Variants in ZMYM4 observed in about 807,000 individuals in gnomAD.
The protein encoded by ZMYM4 is zinc finger MYM-type containing 4.
In ZMYM4, 31 loss-of-function variants were observed where a neutral mutation model predicts 183.2. The ratio of observed to expected loss-of-function variants is 0.17; its 90% CI spans 0.13 to 0.23. ZMYM4 has a LOEUF of 0.23. Ranked by LOEUF, ZMYM4 falls within the 10% of genes least tolerant of loss-of-function variation. The pLI, the probability that ZMYM4 is intolerant of heterozygous loss-of-function variation, is 1.00. For missense variants in ZMYM4, 1,273 were observed against 1,840.3 expected (o/e 0.69, Z 5.64); for synonymous variants, 592 against 631.2 (o/e 0.94, Z 0.93).
At chr1:35,313,375 T>C (rs1641888798) in intron 1 of ZMYM4, among the ~76,000 whole-genome samples, 1 of 84,356 alleles carries the variant, frequency 1.2e-5, no homozygotes, top group African/African-American at 3.1e-5. Context: ...TCTGTCACTT[T>C]TTCTTTTTCT....
intron 11 of ZMYM4, 111 bp from the exon 12 acceptor site, chr1:35,386,892 T>TA (rs1644590294): frequency 8.2e-7 from 1 of 1,221,716 alleles, no homozygotes; most frequent in Non-Finnish European, 1.1e-6. Flanking sequence ...CATTGCCTGT[T>TA]AACAGATGTA....
intron 22 of ZMYM4, 36 bp downstream of exon 22, chr1:35,399,079 T>C: frequency 6.2e-7 from 1 of 1,602,430 alleles, no homozygotes. Context: ...GAAAGCTTTT[T>C]ATTTTAAAAG....
At chr1:35,281,423 C>G (rs1027998223) in intron 1 of ZMYM4, among the ~76,000 whole-genome samples, 1 of 151,914 alleles carries the variant, frequency 6.6e-6, no homozygotes, top group Admixed American at 6.6e-5. Context: ...CTCATAGAAG[C>G]AGAGAGTAGA....
intron 1 of ZMYM4, among the ~76,000 whole-genome samples, chr1:35,284,912 T>G (rs1640395686): frequency 6.6e-6 from 1 of 152,038 alleles, no homozygotes. Context: ...CCTCTCCAAG[T>G]ATTATTACAT....
Position 35,397,514 on chromosome 1 carries a change from A to T in ZMYM4, c.3168A>T (p.Glu1056Asp). The T allele has an allele frequency of 1.9e-6, 3 of 1,613,056 alleles. No individual in the cohort carries two copies. The highest frequency in any genetic ancestry group is 1.7e-6 in the Non-Finnish European group (2 of 1,179,514). ...DLLEMAEMIA[E>D]DEEKKTLSQG... is the part of the protein sequence containing the mutation. Reference sequence around the variant, plus strand: ...TTGAGATGGCAGAAATGATTGCAGAAGATGAAGAGAAGAAGACTCTATCTC... The same window carrying T: ...TTGAGATGGCAGAAATGATTGCAGATGATGAAGAGAAGAAGACTCTATCTC... Residue 1056 changes from glutamate to aspartate, a missense_variant, in exon 20 of 30, where the codon GAA becomes GAT. This residue lies in a region of ZMYM4 where 290 missense variants were observed against 353.3 expected (regional missense o/e 0.82). Coordinates refer to ENST00000314607, the MANE Select transcript of ZMYM4 (RefSeq NM_005095.3).
chr1:35,355,829 T>C (rs1198966438), intron 2 of ZMYM4, among the ~76,000 whole-genome samples: 1 of 152,246 alleles, frequency 6.6e-6, no homozygotes, highest in African/African-American at 2.4e-5. Flanking sequence ...TATTTCTTTA[T>C]GCCTAAAACT....
chr1:35,288,078 T>G (rs1640592617), intron 1 of ZMYM4, among the ~76,000 whole-genome samples: 1 of 152,200 alleles, frequency 6.6e-6, no homozygotes, highest in African/African-American at 2.4e-5. Context: ...GTTTCTTCCC[T>G]TTCCCTTACT....
chr1:35,325,005 G>A (rs1642445534), intron 1 of ZMYM4, among the ~76,000 whole-genome samples: 1 of 152,006 alleles, frequency 6.6e-6, no homozygotes, highest in Non-Finnish European at 1.5e-5. Context: ...TTGATGGGAA[G>A]TTTTACATAG....
chr1:35,402,431 T>G (rs535994614), intron 23 of ZMYM4, among the ~76,000 whole-genome samples: 1 of 152,030 alleles, frequency 6.6e-6, no homozygotes, highest in Non-Finnish European at 1.5e-5. Flanking sequence ...GCCTGGGCAA[T>G]GTAGTGAGAC....
chr1:35,405,860 G>A (rs1644994152), intron 25 of ZMYM4, among the ~76,000 whole-genome samples: 1 of 151,328 alleles, frequency 6.6e-6, no homozygotes, highest in African/African-American at 2.4e-5. Context: ...GACAATGTTT[G>A]TGGGTTTCAC....
chr1:35,370,550 G>C lies in ZMYM4; in HGVS notation c.1104G>C (p.Leu368=). ...KGSTQLFCST[L]CLTGYTVPPA... The stretch of plus-strand genomic sequence containing the variant: ...CTACTCAGCTATTCTGCTCCACACT[G>C]TGCCTCACTGGATATACAGTTCCAC... The change falls in exon 7 of 30, where the codon CTG becomes CTC. Residue 368 remains leucine (L), a synonymous_variant. Coordinates refer to ENST00000314607, the MANE Select transcript of ZMYM4 (RefSeq NM_005095.3). The C allele has an allele frequency of 2.5e-6, 4 of 1,613,188 alleles. No individual in the cohort carries two copies. Among genetic ancestry groups the C allele is most frequent in the Non-Finnish European group, 3.4e-6 (4 of 1,179,768 alleles).
chr1:35,391,298 A>G (rs1433061820), intron 15 of ZMYM4, among the ~76,000 whole-genome samples: 2 of 152,176 alleles, frequency 1.3e-5, no homozygotes, highest in East Asian at 3.9e-4. Context: ...GGCTACCTGT[A>G]GGAGGTCATC....
chr1:35,272,039 G>A (rs952050223), intron 1 of ZMYM4, among the ~76,000 whole-genome samples: 15 of 152,122 alleles, frequency 9.9e-5, no homozygotes, highest in African/African-American at 3.4e-4. Context: ...TCATTAGAAT[G>A]TTCGGTATGA....
chr1:35,350,445 C>T (rs763859658), intron 2 of ZMYM4, among the ~76,000 whole-genome samples: 9 of 152,088 alleles, frequency 5.9e-5, no homozygotes, highest in East Asian at 1.9e-4. Context: ...TGTGCCACCA[C>T]GCCCAGCTAA....
At chr1:35,272,965 C>T (rs979767519) in intron 1 of ZMYM4, among the ~76,000 whole-genome samples, 3 of 152,126 alleles carry the variant, frequency 2.0e-5, no homozygotes, top group African/African-American at 7.2e-5. Flanking sequence ...CCACCCGCCT[C>T]GGCCTCCCAA....
At chr1:35,364,262 C>T (rs533778364) in intron 5 of ZMYM4, among the ~76,000 whole-genome samples, 1 of 152,242 alleles carries the variant, frequency 6.6e-6, no homozygotes, top group East Asian at 1.9e-4. Context: ...GGCATAAGAT[C>T]CAAAAGCATT....
chr1:35,396,695 G>A (rs372546994), intron 19 of ZMYM4, 25 bp downstream of exon 19: 98 of 1,607,002 alleles, frequency 6.1e-5, no homozygotes, highest in Non-Finnish European at 7.8e-5. Context: ...AGAGATTAAA[G>A]CTAATATAGC....
intron 2 of ZMYM4, among the ~76,000 whole-genome samples, chr1:35,328,497 T>C (rs1642603257): frequency 6.7e-6 from 1 of 149,594 alleles, no homozygotes; most frequent in Non-Finnish European, 1.5e-5. Context: ...GGTCTTATTA[T>C]GTTTTCCAAT....
chr1:35,370,174 A>G (rs1056293410), intron 6 of ZMYM4, 61 bp downstream of exon 6: 90 of 1,578,212 alleles, frequency 5.7e-5, no homozygotes, highest in Non-Finnish European at 7.4e-5. Flanking sequence ...ATGAGAAGAA[A>G]TTCTGCTTGT....
Sources: gnomAD v4.1 joint callset for allele counts (sites outside exome capture counted in the v4.1 genomes callset) on GRCh38, gnomAD v4.1.1 for gene constraint, gnomAD v4.1.1 regional missense constraint, MANE v1.5 for transcripts, NCBI Gene and HGNC (gene_info 2026-07-23, HGNC 2026-07-21) for gene names.